Variants in SSH2 observed in about 807,000 individuals in gnomAD.
SSH2 encodes the protein protein phosphatase Slingshot homolog 2.
In SSH2, 37 loss-of-function variants were observed where a neutral mutation model predicts 135.2. That is an observed-to-expected ratio of 0.27 (90% CI 0.21 to 0.36). The LOEUF (loss-of-function observed/expected upper bound fraction) is 0.36. SSH2 is among the 10% of genes least tolerant of loss of function. SSH2 has a pLI of 1.00. For missense variants in SSH2, 1,408 were observed against 1,765.3 expected (o/e 0.80, Z 3.63); for synonymous variants, 628 against 646.2 (o/e 0.97, Z 0.43).
At chr17:29,732,854 A>G (rs1199298979) in intron 3 of SSH2, among the ~76,000 whole-genome samples, 1 of 152,212 alleles carries the variant, frequency 6.6e-6, no homozygotes, top group African/African-American at 2.4e-5. Flanking sequence ...TCGAATACGC[A>G]CTGAGCAATC....
At chr17:29,757,319 C>T (rs750433186) in intron 3 of SSH2, among the ~76,000 whole-genome samples, 2 of 152,120 alleles carry the variant, frequency 1.3e-5, no homozygotes, top group Admixed American at 6.5e-5. Flanking sequence ...TTTATTTACT[C>T]AACATTTTCA....
intron 3 of SSH2, among the ~76,000 whole-genome samples, chr17:29,708,483 G>C (rs1008052587): frequency 6.6e-6 from 1 of 151,714 alleles, no homozygotes; most frequent in African/African-American, 2.4e-5. Flanking sequence ...CCAGCTGCTA[G>C]GGAGGCTGAG....
chr17:29,654,560 C>T (rs564813870), intron 12 of SSH2, among the ~76,000 whole-genome samples: 1 of 152,306 alleles, frequency 6.6e-6, no homozygotes, highest in Admixed American at 6.5e-5. Flanking sequence ...TCTCTTTCCA[C>T]AATGAGTTAG....
intron 1 of SSH2, among the ~76,000 whole-genome samples, chr17:29,909,427 A>G (rs758675590): frequency 6.6e-5 from 10 of 152,204 alleles, no homozygotes; most frequent in African/African-American, 1.2e-4. Flanking sequence ...TTAACTTTAA[A>G]TGAATAAATC....
chr17:29,674,014 GT>G (rs1217499985), intron 8 of SSH2: 1 of 449,772 alleles, frequency 2.2e-6, no homozygotes, highest in East Asian at 7.0e-5. Context: ...CAAACTTAGA[GT>G]AAATCCATAG....
chr17:29,654,728 T>C (rs2036713699), intron 12 of SSH2, among the ~76,000 whole-genome samples: 1 of 152,216 alleles, frequency 6.6e-6, no homozygotes, highest in Admixed American at 6.5e-5. Flanking sequence ...ATTGTTACAA[T>C]CAAACTTAAT....
chr17:29,647,907 C>T, intron 14 of SSH2: 1 of 450,584 alleles, frequency 2.2e-6, no homozygotes, highest in South Asian at 2.4e-5. Flanking sequence ...AAATGATCCG[C>T]TTGCCTCAGC....
chr17:29,647,932 G>T, intron 14 of SSH2: 1 of 520,170 alleles, frequency 1.9e-6, no homozygotes, highest in Non-Finnish European at 3.4e-6. Flanking sequence ...CAAAGTGCTG[G>T]GATTACAGGC....
intron 3 of SSH2, among the ~76,000 whole-genome samples, chr17:29,727,691 A>G (rs534326319): frequency 6.6e-6 from 1 of 152,300 alleles, no homozygotes; most frequent in East Asian, 1.9e-4. Context: ...GTAACACTTA[A>G]AAAGATGTTA....
At chr17:29,850,758 G>A (rs2065540432) in intron 1 of SSH2, among the ~76,000 whole-genome samples, 1 of 152,166 alleles carries the variant, frequency 6.6e-6, no homozygotes, top group Non-Finnish European at 1.5e-5. Flanking sequence ...GGCCGAGGCG[G>A]GTGGATCACG....
At chr17:29,721,027 A>G (rs993972263) in intron 3 of SSH2, among the ~76,000 whole-genome samples, 5 of 152,210 alleles carry the variant, frequency 3.3e-5, no homozygotes, top group African/African-American at 1.2e-4. Context: ...GTCCAATCCA[A>G]TGTTTAACAG....
intron 5 of SSH2, 87 bp downstream of exon 5, chr17:29,695,372 G>A (rs2038682694): frequency 1.0e-6 from 1 of 981,070 alleles, no homozygotes; most frequent in African/African-American, 1.6e-5. Context: ...TCCCAGCACT[G>A]TGTTGGGATG....
At chr17:29,735,646 G>A (rs970204191) in intron 3 of SSH2, among the ~76,000 whole-genome samples, 14 of 148,222 alleles carry the variant, frequency 9.4e-5, no homozygotes, top group Non-Finnish European at 5.9e-5. Flanking sequence ...GCAGTGAGTC[G>A]AGATCGCGTC....
At chr17:29,800,693 T>TA (rs2042235500) in intron 2 of SSH2, among the ~76,000 whole-genome samples, 2 of 151,796 alleles carry the variant, frequency 1.3e-5, no homozygotes, top group African/African-American at 4.8e-5. Context: ...AATAATTAAA[T>TA]GACTAAATAT....
chr17:29,635,989 T>C lies in SSH2; in HGVS notation c.2241A>G (p.Ser747=). 6.2e-7 allele frequency: 1 copy of C among 1,612,772 alleles called. No homozygotes were observed. The highest frequency in any genetic ancestry group is 8.5e-7 in the Non-Finnish European group (1 of 1,178,926). The change falls in exon 15 of 16, where the codon TCA becomes TCG. Residue 747 remains serine, a synonymous_variant. Transcript: ENST00000540801. ...SNTPHASEES[S]MDEEQSKAIS... ...TTACCTTTGACTGTTCCTCATCCAT[T>C]GAAGATTCTTCTGATGCATGGGGAG...
At chr17:29,795,079 A>G (rs1326867213) in intron 2 of SSH2, among the ~76,000 whole-genome samples, 1 of 152,192 alleles carries the variant, frequency 6.6e-6, no homozygotes, top group East Asian at 1.9e-4. Flanking sequence ...AGTCACCTGC[A>G]TTTTCATTTA....
At chr17:29,755,863 G>T (rs930118753) in intron 3 of SSH2, among the ~76,000 whole-genome samples, 2 of 150,356 alleles carry the variant, frequency 1.3e-5, no homozygotes, top group African/African-American at 2.4e-5. Flanking sequence ...GGGTTTCATC[G>T]TGTTAGCCAG....
intron 2 of SSH2, among the ~76,000 whole-genome samples, chr17:29,832,308 T>A (rs936084715): frequency 3.9e-5 from 6 of 152,198 alleles, no homozygotes; most frequent in Non-Finnish European, 8.8e-5. Context: ...TTTTTTAAAT[T>A]TCTGGTAGAG....
At chr17:29,784,359 T>C (rs1478190290) in intron 3 of SSH2, among the ~76,000 whole-genome samples, 1 of 148,556 alleles carries the variant, frequency 6.7e-6, no homozygotes, top group Non-Finnish European at 1.5e-5. Flanking sequence ...CATTCCACCC[T>C]GGGCGACAGA....
Sources: allele counts gnomAD v4.1 joint callset (sites outside exome capture counted in the v4.1 genomes callset), GRCh38; gene constraint gnomAD v4.1.1; transcripts MANE v1.5; gene names NCBI Gene and HGNC (gene_info 2026-07-23, HGNC 2026-07-21).